Variants in ZNF469 observed in about 807,000 individuals in gnomAD.
The protein encoded by ZNF469 is zinc finger protein 469.
In ZNF469, 1 loss-of-function variant was observed where a neutral mutation model predicts 1.0. That is an observed-to-expected ratio of 1.00 (90% CI 0.35 to 4.73). ZNF469 has a LOEUF of 4.73. Among genes scored for constraint, ZNF469 ranks in the 30% most tolerant of loss-of-function variants. The pLI, the probability that ZNF469 is intolerant of heterozygous loss-of-function variation, is 0.16. For synonymous variants in ZNF469, 2,703 were observed against 2,363.4 expected (o/e 1.14, Z -4.17); for missense variants, 6,100 against 5,356.3 (o/e 1.14, Z -4.33).
chr16:88,328,048 C>T, the ZNF469 span, among the ~76,000 whole-genome samples: 9 of 152,342 alleles, frequency 5.9e-5, no homozygotes, highest in South Asian at 1.9e-3. Context: ...CACACGGCGA[C>T]TCCCACAGAC....
In ZNF469 at chr16:88,429,107, C is replaced by T; in HGVS notation, c.1637C>T (p.Ala546Val). 1 of 1,550,020 alleles carries T rather than the reference C, an allele frequency of 6.5e-7. No individual in the cohort carries two copies. Among genetic ancestry groups the T allele is most frequent in the Non-Finnish European group, 8.7e-7 (1 of 1,146,882 alleles). Residue 546 changes from alanine (A) to valine (V), a missense_variant, in exon 3 of 3, where the codon GCA becomes GTA. Ala to Val is a moderately conservative substitution (Grantham distance 64). Transcript: ENST00000565624. Reference sequence around the variant, plus strand: ...AGAAGCAGCCAGGGCGGCTCCCCAGCACTGTTCACCTACAACGGAATGACA... The same window carrying T: ...AGAAGCAGCCAGGGCGGCTCCCCAGTACTGTTCACCTACAACGGAATGACA... ...AVRSSQGGSP[A>V]LFTYNGMTDP...
chr16:88,270,474 C>T, the ZNF469 span, among the ~76,000 whole-genome samples: 4 of 152,216 alleles, frequency 2.6e-5, no homozygotes, highest in Non-Finnish European at 4.4e-5. Context: ...AGGACAAGGC[C>T]GGACTCCACA....
the ZNF469 span, among the ~76,000 whole-genome samples, chr16:88,262,898 AC>A: frequency 4.6e-5 from 7 of 152,080 alleles, no homozygotes; most frequent in African/African-American, 1.7e-4. The surrounding 1 kb of genome is among the most constrained non-coding windows in gnomAD (Gnocchi z 4.3). Flanking sequence ...TGGTGGCGTG[AC>A]CCCCACACAG....
the ZNF469 span, among the ~76,000 whole-genome samples, chr16:88,372,776 A>T: frequency 6.6e-6 from 1 of 150,684 alleles, no homozygotes; most frequent in South Asian, 2.1e-4. Context: ...CTTCACCATC[A>T]TCACCACCAT....
Position 88,430,810 on chromosome 16 carries a change from C to T in ZNF469, c.3340C>T (p.Arg1114Trp), listed in dbSNP as rs1383185829. Residue 1114 changes from arginine (R) to tryptophan (W), a missense_variant, in exon 3 of 3, where the codon CGG (arginine) becomes TGG (tryptophan). Arg to Trp is a moderately radical substitution (Grantham distance 101, BLOSUM62 -3). Coordinates refer to ENST00000565624, the MANE Select transcript of ZNF469 (RefSeq NM_001367624.2). ...PPPRGPGFRG[R>W]RGRGEKRKEV... is the part of the protein sequence containing the mutation. ...GCCGCGGGGCCCCGGCTTCAGAGGC[C>T]GGCGGGGCCGAGGCGAGAAGAGGAA... 6 of 1,531,442 alleles carry T rather than the reference C, an allele frequency of 3.9e-6. No homozygotes were observed. The highest frequency in any genetic ancestry group is 5.2e-6 in the Non-Finnish European group (6 of 1,144,904). 94.9% of individuals were successfully genotyped at this position (1,531,442 alleles called of 1,614,324 possible).
the ZNF469 span, among the ~76,000 whole-genome samples, chr16:88,218,272 C>T: frequency 6.7e-6 from 1 of 149,866 alleles, no homozygotes; most frequent in Admixed American, 6.7e-5. Flanking sequence ...GTACTTCGCC[C>T]ACTTTTTGAT....
the ZNF469 span, among the ~76,000 whole-genome samples, chr16:88,117,987 G>T: frequency 6.6e-6 from 1 of 152,256 alleles, no homozygotes; most frequent in Non-Finnish European, 1.5e-5. Context: ...CTGTCGCCCA[G>T]GCTGGAGTGC....
chr16:88,334,252 G>A, the ZNF469 span, among the ~76,000 whole-genome samples: 1 of 152,272 alleles, frequency 6.6e-6, no homozygotes, highest in East Asian at 1.9e-4. Context: ...GGACTAAGCT[G>A]GACTAAGCCT....
chr16:88,344,208 C>T, the ZNF469 span, among the ~76,000 whole-genome samples: 1 of 149,812 alleles, frequency 6.7e-6, no homozygotes, highest in South Asian at 2.1e-4. Context: ...CACGAGGATC[C>T]TGGATGGGAT....
At chr16:88,282,346 G>T in the ZNF469 span, among the ~76,000 whole-genome samples, 15 of 152,166 alleles carry the variant, frequency 9.9e-5, no homozygotes, top group Admixed American at 9.8e-4. Flanking sequence ...AGTCAGCCCT[G>T]GGTGATGAGT....
At chr16:88,287,124 G>A in the ZNF469 span, among the ~76,000 whole-genome samples, 4 of 152,186 alleles carry the variant, frequency 2.6e-5, no homozygotes, top group African/African-American at 9.7e-5. Flanking sequence ...ATGCTGTTCT[G>A]TGACTTGCTT....
rs1056014533 is a variant in ZNF469, at chr16:88,383,196, G to A, written c.-250G>A. ...CCGCTGCAGAGCGCTGGGGCGGCGC[G>A]GGCCGGGAGCTCGTTGGCGGCGGCC... On this transcript the variant is annotated 5_prime_UTR_variant, in exon 1 of 3. Transcript: ENST00000565624. Among the ~76,000 whole-genome samples the A allele has an allele frequency of 4.1e-5, 6 of 147,600 alleles. No individual in the cohort carries two copies. Among genetic ancestry groups the A allele is most frequent in the South Asian group, 2.1e-4 (1 of 4,824 alleles).
the ZNF469 span, among the ~76,000 whole-genome samples, chr16:88,242,164 C>A: frequency 1.3e-5 from 2 of 152,196 alleles, no homozygotes; most frequent in Non-Finnish European, 2.9e-5. Flanking sequence ...GCTCTGCAAC[C>A]GGCTCTAGTG....
the ZNF469 span, among the ~76,000 whole-genome samples, chr16:88,214,553 G>T: frequency 1.3e-5 from 2 of 151,680 alleles, no homozygotes; most frequent in Non-Finnish European, 2.9e-5. Context: ...AGTGCAGAAC[G>T]TGCAGGTTTG....
chr16:88,286,081 C>A, the ZNF469 span, among the ~76,000 whole-genome samples: 3 of 152,258 alleles, frequency 2.0e-5, no homozygotes, highest in Admixed American at 1.3e-4. Context: ...GTGCCTCCAT[C>A]GTGCCCCATT....
the ZNF469 span, among the ~76,000 whole-genome samples, chr16:88,373,828 C>T: frequency 6.6e-6 from 1 of 152,028 alleles, no homozygotes; most frequent in Non-Finnish European, 1.5e-5. Context: ...AAACCTCCAT[C>T]GACACTAAAT....
At chr16:88,213,944 A>T in the ZNF469 span, among the ~76,000 whole-genome samples, 5 of 152,196 alleles carry the variant, frequency 3.3e-5, no homozygotes, top group African/African-American at 1.2e-4. Context: ...CATTTATATT[A>T]TTCTCTGTCA....
At chr16:88,127,732 T>C in the ZNF469 span, among the ~76,000 whole-genome samples, 7 of 152,176 alleles carry the variant, frequency 4.6e-5, no homozygotes, top group Non-Finnish European at 1.0e-4. Flanking sequence ...GTGGCCTCCT[T>C]TCCATCTGAA....
At chr16:88,237,808 T>C in the ZNF469 span, among the ~76,000 whole-genome samples, 23 of 150,340 alleles carry the variant, frequency 1.5e-4, no homozygotes. Context: ...CCACTCACCC[T>C]CCCTGCACTC....
Sources: allele counts gnomAD v4.1 joint callset (sites outside exome capture counted in the v4.1 genomes callset), GRCh38; gene constraint gnomAD v4.1.1; non-coding constraint Gnocchi (gnomAD v3.1); transcripts MANE v1.5; gene names NCBI Gene and HGNC (gene_info 2026-07-23, HGNC 2026-07-21).